The following SLC25A48 variants were observed in gnomAD, a reference collection of about 807,000 sequenced individuals.
SLC25A48 encodes CTC-321K16.1.
A neutral mutation model predicts 32.2 loss-of-function variants in SLC25A48; 29 were observed. That is an observed-to-expected ratio of 0.90 (90% confidence interval 0.67 to 1.23). The LOEUF (loss-of-function observed/expected upper bound fraction) is 1.23. SLC25A48 is among the 50% of genes most tolerant of loss of function. The probability of loss-of-function intolerance (pLI) is 0.00; values close to 1 mark genes in which losing one functional copy is unlikely to be tolerated. For synonymous variants in SLC25A48, 164 were observed against 172.3 expected (o/e 0.95, Z 0.38); for missense variants, 399 against 422.7 (o/e 0.94, Z 0.49).
intron 3 of SLC25A48, among the ~76,000 whole-genome samples, chr5:135,637,746 G>A (rs186802386): frequency 6.6e-6 from 1 of 152,172 alleles, no homozygotes; most frequent in Non-Finnish European, 1.5e-5. Context: ...CTTTGTTAAG[G>A]TGGCATCCTC....
At chr5:135,813,951 A>G (rs970393904) in intron 4 of SLC25A48, among the ~76,000 whole-genome samples, 1 of 152,156 alleles carries the variant, frequency 6.6e-6, no homozygotes, top group Non-Finnish European at 1.5e-5. Flanking sequence ...AATCCCCGAG[A>G]AAGAAAAGCA....
At chr5:135,884,302 C>A (rs545469227) in intron 7 of SLC25A48, among the ~76,000 whole-genome samples, 20 of 152,156 alleles carry the variant, frequency 1.3e-4, no homozygotes, top group African/African-American at 4.8e-4. Flanking sequence ...TCCGTCTCTT[C>A]GGTGTGAAAC....
chr5:135,658,358 G>A (rs951816525), intron 3 of SLC25A48, among the ~76,000 whole-genome samples: 5 of 152,182 alleles, frequency 3.3e-5, no homozygotes, highest in African/African-American at 4.8e-5. Context: ...TTGACTTCGT[G>A]TCTCATATCC....
chr5:135,841,013 G>C (rs957314300), intron 1 of SLC25A48, among the ~76,000 whole-genome samples: 1 of 152,180 alleles, frequency 6.6e-6, no homozygotes, highest in African/African-American at 2.4e-5. Context: ...CACCATGGCT[G>C]TATGATTTTA....
chr5:135,600,829 C>G (rs73300453), intron 1 of SLC25A48, among the ~76,000 whole-genome samples: 28,026 of 149,674 alleles, frequency 0.19, 2,908 homozygotes, highest in African/African-American at 0.23. Flanking sequence ...ACTACAGGTA[C>G]GTGCCACCAT....
intron 3 of SLC25A48, among the ~76,000 whole-genome samples, chr5:135,793,824 T>C (rs890881526): frequency 6.6e-6 from 1 of 151,954 alleles, no homozygotes. Flanking sequence ...TTACGCCATG[T>C]GTGTACACTC....
intron 1 of SLC25A48, among the ~76,000 whole-genome samples, chr5:135,585,113 G>A (rs1751332755): frequency 6.6e-6 from 1 of 152,192 alleles, no homozygotes; most frequent in Non-Finnish European, 1.5e-5. Flanking sequence ...TGGCTTGGGT[G>A]AGTCCCATGG....
chr5:135,768,912 G>T (rs907064632), intron 3 of SLC25A48, among the ~76,000 whole-genome samples: 1 of 151,584 alleles, frequency 6.6e-6, no homozygotes, highest in Admixed American at 6.6e-5. Context: ...GACATTACTC[G>T]CAATATCGCA....
chr5:135,724,447 G>T (rs1211426668), intron 3 of SLC25A48, among the ~76,000 whole-genome samples: 1 of 152,246 alleles, frequency 6.6e-6, no homozygotes, highest in East Asian at 1.9e-4. Flanking sequence ...CTTTCCTGCA[G>T]GGTAGAGTTT....
intron 3 of SLC25A48, among the ~76,000 whole-genome samples, chr5:135,712,141 C>T (rs79774270): frequency 0.022 from 3,378 of 152,268 alleles, 52 homozygotes; most frequent in Non-Finnish European, 0.031. Flanking sequence ...TATCTCCCGC[C>T]AGGCACACCC....
chr5:135,718,328 G>A (rs1191632642), intron 3 of SLC25A48, among the ~76,000 whole-genome samples: 1 of 152,156 alleles, frequency 6.6e-6, no homozygotes, highest in Admixed American at 6.5e-5. Flanking sequence ...ACATGACAAA[G>A]CCTTTTCCTT....
chr5:135,670,701 C>T (rs1186526241), intron 3 of SLC25A48, among the ~76,000 whole-genome samples: 1 of 152,182 alleles, frequency 6.6e-6, no homozygotes, highest in African/African-American at 2.4e-5. Flanking sequence ...AGGGGTCTCA[C>T]TCGGTAGAGC....
At chr5:135,854,311 G>A (rs564113045) in intron 4 of SLC25A48, among the ~76,000 whole-genome samples, 20 of 152,330 alleles carry the variant, frequency 1.3e-4, no homozygotes, top group Admixed American at 3.9e-4. Flanking sequence ...AGGCATTGAC[G>A]TCTCCTCTCT....
At chr5:135,736,773 C>T (rs986292310) in intron 3 of SLC25A48, among the ~76,000 whole-genome samples, 10 of 152,208 alleles carry the variant, frequency 6.6e-5, no homozygotes, top group South Asian at 4.2e-4. Flanking sequence ...TGACCGGTGC[C>T]GGAGTTTTGG....
At chr5:135,789,426 C>T (rs1447397351) in intron 3 of SLC25A48, among the ~76,000 whole-genome samples, 1 of 150,796 alleles carries the variant, frequency 6.6e-6, no homozygotes, top group East Asian at 2.0e-4. Flanking sequence ...GGTGTATACC[C>T]CACTGCAATA....
At chr5:135,666,608 A>C (rs1430879466) in intron 3 of SLC25A48, among the ~76,000 whole-genome samples, 1 of 152,042 alleles carries the variant, frequency 6.6e-6, no homozygotes, top group Non-Finnish European at 1.5e-5. Context: ...GGCCCTAGGA[A>C]GATTTGGAAA....
intron 3 of SLC25A48, among the ~76,000 whole-genome samples, chr5:135,635,375 A>T (rs1046922333): frequency 6.6e-6 from 1 of 152,230 alleles, no homozygotes; most frequent in African/African-American, 2.4e-5. Context: ...TGCTAAGTCC[A>T]TAATTAAACA....
intron 3 of SLC25A48, among the ~76,000 whole-genome samples, chr5:135,800,302 G>A (rs544711607): frequency 1.3e-5 from 2 of 151,916 alleles, no homozygotes; most frequent in Admixed American, 1.3e-4. Flanking sequence ...TGTACAGCCC[G>A]CTTGTGGTAT....
chr5:135,839,512 A>G (rs1484607418), intron 1 of SLC25A48, among the ~76,000 whole-genome samples: 1 of 152,304 alleles, frequency 6.6e-6, no homozygotes, highest in East Asian at 1.9e-4. Context: ...CAGGCTTATA[A>G]GTGGAAGGGA....
Sources: gnomAD v4.1 joint callset for allele counts (sites outside exome capture counted in the v4.1 genomes callset) on GRCh38, gnomAD v4.1.1 for gene constraint, MANE v1.5 for transcripts, NCBI Gene and HGNC (gene_info 2026-07-23, HGNC 2026-07-21) for gene names.